The following TRIO variants were observed in gnomAD, a reference collection of about 807,000 sequenced individuals.
TRIO encodes triple functional domain protein.
TRIO carries 58 observed loss-of-function variants against 351.9 expected under a neutral mutation model. The ratio of observed to expected loss-of-function variants is 0.16; its 90% confidence interval spans 0.13 to 0.21. The LOEUF (loss-of-function observed/expected upper bound fraction) is 0.21, where lower values mean the gene tolerates loss of function less well. Among genes scored for constraint, TRIO ranks in the 10% least tolerant of loss-of-function variants. The pLI is 1.00. For missense variants in TRIO, 3,201 were observed against 4,027.8 expected, an observed-to-expected ratio of 0.79 and a Z score of 5.56; for synonymous variants, 1,758 against 1,595.7, an observed-to-expected ratio of 1.10 and a Z score of -2.42.
chr5:14,423,840 C>G (rs1260804590), intron 34 of TRIO, among the ~76,000 whole-genome samples: 1 of 152,072 alleles, frequency 6.6e-6, no homozygotes, highest in Non-Finnish European at 1.5e-5. Flanking sequence ...AAAACCACCC[C>G]AGGGCCTGTG....
chr5:14,325,996 T>C (rs1740350680), intron 9 of TRIO, among the ~76,000 whole-genome samples: 2 of 152,022 alleles, frequency 1.3e-5, no homozygotes, highest in Non-Finnish European at 2.9e-5. Flanking sequence ...AAAGCAGAGG[T>C]CTTTCCTTTT....
At chr5:14,205,315 A>C (rs1287074686) in intron 1 of TRIO, among the ~76,000 whole-genome samples, 1 of 152,234 alleles carries the variant, frequency 6.6e-6, no homozygotes, top group Non-Finnish European at 1.5e-5. Flanking sequence ...TAGAGAAAAG[A>C]AGAAAATAAG....
chr5:14,160,971 T>C (rs1387477296), intron 1 of TRIO, among the ~76,000 whole-genome samples: 1 of 152,104 alleles, frequency 6.6e-6, no homozygotes, highest in Non-Finnish European at 1.5e-5. Flanking sequence ...AGTGCAGCGG[T>C]GTGATTTTGA....
chr5:14,504,995 G>T (rs1226102702), intron 55 of TRIO, among the ~76,000 whole-genome samples: 3 of 152,246 alleles, frequency 2.0e-5, no homozygotes, highest in Admixed American at 1.3e-4. Flanking sequence ...GATCAGCGGG[G>T]TGCCCCTCAG....
intron 1 of TRIO, among the ~76,000 whole-genome samples, chr5:14,232,253 C>T (rs1368869400): frequency 6.6e-6 from 1 of 152,134 alleles, no homozygotes; most frequent in East Asian, 1.9e-4. Context: ...GTGAGGCATG[C>T]CCTCCTGCCA....
At chr5:14,488,788 G>A in intron 48 of TRIO, 1 of 593,470 alleles carries the variant, frequency 1.7e-6, no homozygotes, top group Non-Finnish European at 3.0e-6. Context: ...AAAAAATGGG[G>A]GGAAAGAATC....
Position 14,286,819 on chromosome 5 carries a change from C to A in TRIO, c.348-52C>A. On this transcript the variant is annotated intron_variant, in intron 3 of 56. Transcript: ENST00000344204. The surrounding 1 kb of genome is among the most constrained non-coding windows in gnomAD (Gnocchi z 4.4). ...GGCACCCAGTGGGACTCTGACCAGGCAGAGTGGCAAGAGATGTAACCCGTC... is the reference window on the plus strand; with the variant it reads ...GGCACCCAGTGGGACTCTGACCAGGAAGAGTGGCAAGAGATGTAACCCGTC... 2 of 1,567,000 alleles carry A rather than the reference C, an allele frequency of 1.3e-6. No individual in the cohort carries two copies. The highest frequency in any genetic ancestry group is 1.2e-5 in the South Asian group (1 of 83,336).
At chr5:14,186,561 C>G (rs1014289451) in intron 1 of TRIO, among the ~76,000 whole-genome samples, 10 of 152,072 alleles carry the variant, frequency 6.6e-5, no homozygotes, top group Admixed American at 6.6e-4. Flanking sequence ...GTCGTTTGCA[C>G]ATTAGTGACC....
At chr5:14,248,089 T>C (rs1397000951) in intron 1 of TRIO, among the ~76,000 whole-genome samples, 1 of 148,716 alleles carries the variant, frequency 6.7e-6, no homozygotes, top group Non-Finnish European at 1.5e-5. Context: ...AAAGAAAATA[T>C]AGACCACTGC....
chr5:14,207,389 T>TACACACAC (rs70964544), intron 1 of TRIO, among the ~76,000 whole-genome samples: 1 of 11,724 alleles, frequency 8.5e-5, no homozygotes, highest in Non-Finnish European at 1.8e-4. Flanking sequence ...CAAGACTGTC[T>TACACACAC]ACACACACAC....
intron 12 of TRIO, among the ~76,000 whole-genome samples, chr5:14,358,661 G>T (rs1743856187): frequency 6.6e-6 from 1 of 152,176 alleles, no homozygotes; most frequent in African/African-American, 2.4e-5. Context: ...TTATAAACCA[G>T]ATTAATGTGA....
Position 14,412,504 on chromosome 5 carries a change from T to C in TRIO, c.4959+5832T>C, listed in dbSNP as rs534133803. On this transcript the variant is annotated intron_variant, in intron 33 of 56. Coordinates refer to ENST00000344204, the MANE Select transcript of TRIO (RefSeq NM_007118.4). ...ATGCTTGCATTCAGCCTCCCGAGGT[T>C]GTCCTGCAGTCCTGCGTTCTGCCTC... 1.1e-4 allele frequency among the ~76,000 whole-genome samples: 16 copies of C among 152,328 alleles called. No individual in the cohort carries two copies. In the South Asian group the frequency reaches 1.7e-3, roughly 16 times the overall value.
chr5:14,425,529 A>G (rs1184588361), intron 34 of TRIO, among the ~76,000 whole-genome samples: 1 of 152,168 alleles, frequency 6.6e-6, no homozygotes, highest in African/African-American at 2.4e-5. Flanking sequence ...TGTACAAGTA[A>G]TCTCTTCAAG....
intron 2 of TRIO, among the ~76,000 whole-genome samples, chr5:14,272,664 T>C (rs1321053298): frequency 6.6e-6 from 1 of 152,196 alleles, no homozygotes; most frequent in South Asian, 2.1e-4. Context: ...GTTTAAGATA[T>C]TAGCGATGGT....
At chr5:14,472,106 G>A (rs530382555) in intron 38 of TRIO, among the ~76,000 whole-genome samples, 7 of 152,322 alleles carry the variant, frequency 4.6e-5, no homozygotes, top group South Asian at 4.1e-4. Context: ...TGATCAAATG[G>A]TTGTCTTCTG....
At position 14,291,189 on chromosome 5, in the gene TRIO, G is replaced by T. The variant is rs773993903; in HGVS notation, c.1014G>T (p.Gln338His). 5 of 1,614,034 alleles carry T rather than the reference G, an allele frequency of 3.1e-6. No homozygotes were observed. Among genetic ancestry groups the T allele is most frequent in the Non-Finnish European group, 4.2e-6 (5 of 1,180,020 alleles). ...MWHVRKLKLD[Q>H]CFQLRLFEQD... ...ATGTGAGGAAGCTGAAGCTGGACCA[G>T]TGCTTCCAGCTGAGGCTGTTTGAAC... Residue 338 changes from glutamine to histidine, a missense_variant, in exon 5 of 57, where the codon CAG (glutamine) becomes CAT (histidine). By Grantham distance (24) the Gln-to-His change is conservative. Transcript: ENST00000344204.
intron 34 of TRIO, chr5:14,420,327 C>T: frequency 2.4e-5 from 8 of 327,064 alleles, no homozygotes. Context: ...CCTTTATCAT[C>T]TGTGCCTTCT....
Position 14,280,328 on chromosome 5 carries a change from G to A in TRIO, c.239G>A (p.Arg80Lys). 1 of 1,614,058 alleles carries A rather than the reference G, an allele frequency of 6.2e-7. No individual in the cohort carries two copies. Among genetic ancestry groups the A allele is most frequent in the Non-Finnish European group, 8.5e-7 (1 of 1,179,932 alleles). ...KEKVAYLSGG[R>K]DKRGGPILTF... is the part of the protein sequence containing the mutation. ...CCTAATGTTTGTTTTTTAGGTGGGA[G>A]AGATAAACGTGGAGGTCCCATTTTA... Residue 80 changes from arginine (R) to lysine (K), a missense_variant, in exon 3 of 57, where the codon AGA (arginine) becomes AAA (lysine). Transcript: ENST00000344204.
chr5:14,404,009 G>C (rs111738351), intron 31 of TRIO, among the ~76,000 whole-genome samples: 1 of 147,240 alleles, frequency 6.8e-6, no homozygotes, highest in South Asian at 2.2e-4. Flanking sequence ...GAGGGTGTAG[G>C]TTGTGGTGAG....
Sources: gnomAD v4.1 joint callset for allele counts (sites outside exome capture counted in the v4.1 genomes callset) on GRCh38, gnomAD v4.1.1 for gene constraint, Gnocchi (gnomAD v3.1) non-coding constraint, MANE v1.5 for transcripts, NCBI Gene and HGNC (gene_info 2026-07-23, HGNC 2026-07-21) for gene names.